PCDH19: variants seen among roughly 807,000 people sequenced by gnomAD.
The protein encoded by PCDH19 is protocadherin 19.
PCDH19 carries 6 observed loss-of-function variants against 46.2 expected under a neutral mutation model. The ratio of observed to expected loss-of-function variants is 0.13; its 90% CI spans 0.07 to 0.26. The LOEUF is 0.26. PCDH19 is among the 10% of genes least tolerant of loss of function. PCDH19 has a pLI of 1.00. For synonymous variants in PCDH19, 481 were observed against 415.7 expected (o/e 1.16, Z -1.91); for missense variants, 740 against 972.3 (o/e 0.76, Z 3.18).
chrX:100,322,865 A>ATATATATATATATATATATATATTTTTTT, intron 5 of PCDH19, among the ~76,000 whole-genome samples: 1 of 54,414 alleles, frequency 1.8e-5, no homozygotes, highest in African/African-American at 8.4e-5. Context: ...ATATATATAT[A>ATATATATATATATATATATATATTTTTTT]TTTTTGCAGC....
intron 3 of PCDH19, among the ~76,000 whole-genome samples, chrX:100,371,534 G>A (rs1927224216): frequency 9.0e-6 from 1 of 110,966 alleles, no homozygotes; most frequent in Non-Finnish European, 1.9e-5. Flanking sequence ...TGTGTGTGAA[G>A]TGGTAAGAAA....
intron 5 of PCDH19, among the ~76,000 whole-genome samples, chrX:100,323,395 C>T (rs968182932): frequency 8.9e-6 from 1 of 111,746 alleles, no homozygotes; most frequent in African/African-American, 3.3e-5. Flanking sequence ...CCTGTCAGTC[C>T]AATAGCCTTT....
chrX:100,396,509 G>A (rs1346011012), intron 3 of PCDH19, among the ~76,000 whole-genome samples: 1 of 111,789 alleles, frequency 8.9e-6, no homozygotes, highest in Non-Finnish European at 1.9e-5. Context: ...CCAGCCCCTT[G>A]GGGAGAAAAA....
At chrX:100,341,578 T>C (rs1926252331) in intron 5 of PCDH19, among the ~76,000 whole-genome samples, 1 of 112,022 alleles carries the variant, frequency 8.9e-6, no homozygotes, top group South Asian at 3.8e-4. Context: ...AAAGCAAAAA[T>C]AGGCATTTAT....
intron 3 of PCDH19, among the ~76,000 whole-genome samples, chrX:100,398,760 C>T (rs922894789): frequency 3.6e-5 from 4 of 112,030 alleles, no homozygotes; most frequent in African/African-American, 1.3e-4. Flanking sequence ...TGATAAATTT[C>T]AAAGTGTGAT....
rs773547239 is a variant in PCDH19 at position 100,408,606 on chromosome X, G to C, written c.-9C>G. ...AGCAGGAGCGACTCCATGGCTGCAC[G>C]GGGCTCTGCCTGGCCTCGCCTCTCC... On this transcript the variant is annotated 5_prime_UTR_variant, in exon 1 of 6. Transcript: ENST00000373034. 14 of 1,145,638 alleles carry C rather than the reference G, an allele frequency of 1.2e-5. No homozygotes were observed. Among genetic ancestry groups the C allele is most frequent in the Non-Finnish European group, 1.6e-5 (14 of 863,418 alleles). The allele number at this position is 1,145,638 out of a possible 1,213,427, so 94.4% of individuals were successfully genotyped here.
rs574995300 is a variant in PCDH19, at chrX:100,311,506, T to C, written c.2849-14631A>G. 2.9e-4 allele frequency among the ~76,000 whole-genome samples: 32 copies of C among 111,816 alleles called. 1 individual carries two copies. The Admixed American group carries it at 2.9e-3, about 10-fold the overall frequency. On this transcript the variant is annotated intron_variant, in intron 5 of 5. Coordinates refer to ENST00000373034, the MANE Select transcript of PCDH19 (RefSeq NM_001184880.2). ...CAGTTTTGTAGAATAGGCCATACTA[T>C]ACATGAGTCCATGAAAAATGTTGCA...
chrX:100,379,846 C>T (rs1363498462), intron 3 of PCDH19, among the ~76,000 whole-genome samples: 1 of 111,422 alleles, frequency 9.0e-6, no homozygotes, highest in Admixed American at 9.5e-5. Context: ...GCCTTGCATG[C>T]CCTAAAACAC....
At chrX:100,327,921 A>G (rs1925747603) in intron 5 of PCDH19, among the ~76,000 whole-genome samples, 1 of 111,849 alleles carries the variant, frequency 8.9e-6, no homozygotes, top group South Asian at 3.8e-4. Flanking sequence ...TTCCATATTG[A>G]TGACAATGAA....
chrX:100,348,375 T>C (rs767142980), intron 4 of PCDH19, among the ~76,000 whole-genome samples: 13 of 49,907 alleles, frequency 2.6e-4, no homozygotes, highest in African/African-American at 7.2e-4. Flanking sequence ...ACACAGTTGG[T>C]CCCCAGAACA....
chrX:100,391,836 C>A (rs1014228463), intron 3 of PCDH19, among the ~76,000 whole-genome samples: 3 of 111,905 alleles, frequency 2.7e-5, no homozygotes, highest in African/African-American at 9.7e-5. Context: ...AGTGATCTCC[C>A]CTACCTCAGA....
chrX:100,376,488 T>C (rs764670187), intron 3 of PCDH19, among the ~76,000 whole-genome samples: 14 of 111,533 alleles, frequency 1.3e-4, no homozygotes, highest in African/African-American at 4.2e-4. Flanking sequence ...TGAATTCCTA[T>C]AGCAAATAGC....
chrX:100,402,569 C>A lies in PCDH19; in HGVS notation c.2571G>T (p.Gly857=), dbSNP rs1480768621. The A allele has an allele frequency of 5.8e-6, 7 of 1,211,564 alleles. No individual in the cohort carries two copies. Among genetic ancestry groups the A allele is most frequent in the Non-Finnish European group, 6.7e-6 (6 of 895,370 alleles). The change falls in exon 3 of 6, where the codon GGG becomes GGT. Residue 857 remains glycine, a synonymous_variant. Coordinates refer to ENST00000373034, the MANE Select transcript of PCDH19 (RefSeq NM_001184880.2). Reference sequence around the variant, plus strand: ...TGATAATCAGGTCAGGCTGCTGGGGCCCCTGGCTGTTGAAAGAGTGATGGT... The same window carrying A: ...TGATAATCAGGTCAGGCTGCTGGGGACCCTGGCTGTTGAAAGAGTGATGGT... ...HIYHHSFNSQ[G]PQQPDLIING...
chrX:100,318,188 C>G (rs1925368359), intron 5 of PCDH19, among the ~76,000 whole-genome samples: 1 of 111,555 alleles, frequency 9.0e-6, no homozygotes, highest in Non-Finnish European at 1.9e-5. Flanking sequence ...CCTTAGAGTC[C>G]CAGATCTAAG....
In PCDH19 at chrX:100,390,879, G is replaced by C. The variant is rs147661675; in HGVS notation, c.2616+11645C>G. Among the ~76,000 whole-genome samples, 765 of 111,542 alleles carry C rather than the reference G, an allele frequency of 6.9e-3. 6 individuals are homozygous for C. Among genetic ancestry groups the C allele is most frequent in the African/African-American group, 0.024 (730 of 30,734 alleles). On this transcript the variant is annotated intron_variant, in intron 3 of 5. Coordinates refer to ENST00000373034, the MANE Select transcript of PCDH19 (RefSeq NM_001184880.2). ...ACATCAAAATGAGCAGAGGCATGGT[G>C]GACTGCCTCTCACGCCAACAAATCC...
intron 3 of PCDH19, among the ~76,000 whole-genome samples, chrX:100,392,525 G>A (rs777535419): frequency 8.9e-6 from 1 of 112,138 alleles, no homozygotes; most frequent in African/African-American, 3.2e-5. Flanking sequence ...TCTCCCCTAA[G>A]CTTTTAGGAA....
intron 3 of PCDH19, among the ~76,000 whole-genome samples, chrX:100,400,294 G>A (rs913398519): frequency 8.0e-5 from 9 of 112,431 alleles, no homozygotes; most frequent in African/African-American, 2.9e-4. Flanking sequence ...GCAAGCCATT[G>A]TAACACTGAT....
chrX:100,305,784 C>A (rs1465119674), intron 5 of PCDH19, among the ~76,000 whole-genome samples: 3 of 111,661 alleles, frequency 2.7e-5, no homozygotes, highest in Non-Finnish European at 5.7e-5. Context: ...TTACATCAGA[C>A]AAATTTTAAA....
intron 4 of PCDH19, among the ~76,000 whole-genome samples, chrX:100,345,582 T>C (rs7052419): frequency 0.015 from 1,685 of 111,608 alleles, 27 homozygotes; most frequent in African/African-American, 0.052. Context: ...TTTTAAAAAA[T>C]TGATCATCTT....
Sources: allele counts gnomAD v4.1 joint callset (sites outside exome capture counted in the v4.1 genomes callset), GRCh38; gene constraint gnomAD v4.1.1; transcripts MANE v1.5; gene names NCBI Gene and HGNC (gene_info 2026-07-23, HGNC 2026-07-21).